Variants in CTNND2 observed in about 807,000 individuals in gnomAD.
The protein encoded by CTNND2 is catenin delta-2.
In CTNND2, 22 loss-of-function variants were observed where a neutral mutation model predicts 144.4. The ratio of observed to expected loss-of-function variants is 0.15; its 90% CI spans 0.11 to 0.22. The LOEUF (loss-of-function observed/expected upper bound fraction) is 0.22, where lower values mean the gene tolerates loss of function less well. Ranked by LOEUF, CTNND2 falls within the 10% of genes least tolerant of loss-of-function variation. The pLI is 1.00. For missense variants in CTNND2, 1,353 were observed against 1,618.8 expected, an observed-to-expected ratio of 0.84 and a Z score of 2.82; for synonymous variants, 751 against 695.6, an observed-to-expected ratio of 1.08 and a Z score of -1.25.
At chr5:11,167,222 T>C (rs1264650647) in intron 11 of CTNND2, among the ~76,000 whole-genome samples, 1 of 152,002 alleles carries the variant, frequency 6.6e-6, no homozygotes, top group East Asian at 1.9e-4. Flanking sequence ...AGAATTGGAG[T>C]GCCATGGTCC....
intron 2 of CTNND2, among the ~76,000 whole-genome samples, chr5:11,633,751 G>A (rs533366743): frequency 1.3e-5 from 2 of 149,970 alleles, no homozygotes; most frequent in South Asian, 4.3e-4. Flanking sequence ...ACTCCAGTCT[G>A]GGTGACAGAA....
At chr5:11,390,529 C>T (rs1177978024) in intron 6 of CTNND2, among the ~76,000 whole-genome samples, 1 of 152,226 alleles carries the variant, frequency 6.6e-6, no homozygotes, top group African/African-American at 2.4e-5. Flanking sequence ...ATCTTGACTT[C>T]TCATCATGAG....
chr5:11,575,847 C>G (rs1561577649), intron 2 of CTNND2, among the ~76,000 whole-genome samples: 1 of 152,104 alleles, frequency 6.6e-6, no homozygotes, highest in Non-Finnish European at 1.5e-5. Flanking sequence ...CCACCATTCT[C>G]CTTGTGATTC....
chr5:11,816,480 T>C (rs550126795), intron 1 of CTNND2, among the ~76,000 whole-genome samples: 1 of 150,158 alleles, frequency 6.7e-6, no homozygotes, highest in South Asian at 2.1e-4. Flanking sequence ...AAAAACGCAA[T>C]AGAGGGGCCG....
chr5:11,820,171 A>G (rs1349741275), intron 1 of CTNND2, among the ~76,000 whole-genome samples: 2 of 152,194 alleles, frequency 1.3e-5, no homozygotes, highest in Non-Finnish European at 2.9e-5. Flanking sequence ...CCTGTTAATC[A>G]TGGTTATTGA....
intron 9 of CTNND2, among the ~76,000 whole-genome samples, chr5:11,239,785 T>G (rs1007789375): frequency 7.2e-5 from 11 of 152,304 alleles, no homozygotes; most frequent in African/African-American, 2.6e-4. Flanking sequence ...CCTCAGGCTC[T>G]TTACAACTTC....
chr5:11,737,001 C>G (rs1367200786), intron 1 of CTNND2, among the ~76,000 whole-genome samples: 1 of 151,218 alleles, frequency 6.6e-6, no homozygotes, highest in Non-Finnish European at 1.5e-5. Flanking sequence ...ATTCAATAAT[C>G]TGTACATGTT....
chr5:11,265,327 G>A (rs1314677643), intron 9 of CTNND2, among the ~76,000 whole-genome samples: 3 of 152,168 alleles, frequency 2.0e-5, no homozygotes, highest in Admixed American at 1.3e-4. Flanking sequence ...AAAGCTTGAT[G>A]TACATCTCAA....
At chr5:11,896,435 T>C (rs967664943) in intron 1 of CTNND2, among the ~76,000 whole-genome samples, 2 of 152,170 alleles carry the variant, frequency 1.3e-5, no homozygotes, top group Admixed American at 1.3e-4. Context: ...TGCACTACTT[T>C]TGAAAACAAA....
rs544641582 is a variant in CTNND2, at chr5:11,671,574, C to T, written c.174+60562G>A. On this transcript the variant is annotated intron_variant, in intron 2 of 21. Transcript: ENST00000304623. ...TTCTTCTGCTTGATTGATTTGGCTA[C>T]TGATATTTGTATATGCTTCATGAAG... 3.3e-5 allele frequency among the ~76,000 whole-genome samples: 5 copies of T among 151,782 alleles called. No individual in the cohort carries two copies. The South Asian group carries it at 1.0e-3, about 31-fold the overall frequency.
chr5:11,014,795 G>A (rs919546184), intron 18 of CTNND2, among the ~76,000 whole-genome samples: 5 of 152,086 alleles, frequency 3.3e-5, no homozygotes, highest in African/African-American at 9.7e-5. Flanking sequence ...GACAGATGGC[G>A]CCGAATTCTG....
intron 1 of CTNND2, among the ~76,000 whole-genome samples, chr5:11,744,161 G>A (rs1788175641): frequency 6.6e-6 from 1 of 152,170 alleles, no homozygotes; most frequent in South Asian, 2.1e-4. Context: ...CATGATCTCA[G>A]CCAATTTTAT....
chr5:11,114,245 C>T (rs1308581271), intron 13 of CTNND2, among the ~76,000 whole-genome samples: 1 of 152,204 alleles, frequency 6.6e-6, no homozygotes, highest in Admixed American at 6.5e-5. Context: ...CTGGAGGCAT[C>T]ACTGTTCCTC....
intron 3 of CTNND2, among the ~76,000 whole-genome samples, chr5:11,493,479 T>C (rs1467867950): frequency 1.3e-5 from 2 of 152,248 alleles, no homozygotes; most frequent in Non-Finnish European, 2.9e-5. Flanking sequence ...TGTACACTTC[T>C]GCCATTGAAT....
chr5:11,180,209 G>A (rs1760867290), intron 11 of CTNND2, among the ~76,000 whole-genome samples: 1 of 152,012 alleles, frequency 6.6e-6, no homozygotes, highest in Non-Finnish European at 1.5e-5. Context: ...TTAAAGTGGG[G>A]CACTTCCCCC....
chr5:11,777,232 A>C (rs1790306511), intron 1 of CTNND2, among the ~76,000 whole-genome samples: 1 of 152,222 alleles, frequency 6.6e-6, no homozygotes, highest in African/African-American at 2.4e-5. Flanking sequence ...TTCAGCTACA[A>C]ATGAATCACT....
At chr5:11,863,076 A>T (rs1259967353) in intron 1 of CTNND2, among the ~76,000 whole-genome samples, 1 of 152,114 alleles carries the variant, frequency 6.6e-6, no homozygotes, top group Non-Finnish European at 1.5e-5. Flanking sequence ...ATTTTCTCGT[A>T]TTTCATTTAA....
At chr5:11,497,373 T>C (rs1770055799) in intron 3 of CTNND2, among the ~76,000 whole-genome samples, 1 of 151,746 alleles carries the variant, frequency 6.6e-6, no homozygotes, top group Non-Finnish European at 1.5e-5. Flanking sequence ...TTATGATGGG[T>C]GCTGCAGGAA....
intron 9 of CTNND2, among the ~76,000 whole-genome samples, chr5:11,329,954 A>C (rs2149713685): frequency 6.6e-6 from 1 of 152,270 alleles, no homozygotes; most frequent in East Asian, 1.9e-4. Flanking sequence ...GACTGAGATA[A>C]CCAGAGCTTA....
Sources: gnomAD v4.1 joint callset for allele counts (sites outside exome capture counted in the v4.1 genomes callset) on GRCh38, gnomAD v4.1.1 for gene constraint, MANE v1.5 for transcripts, NCBI Gene and HGNC (gene_info 2026-07-23, HGNC 2026-07-21) for gene names.